Variants in DCLK1 observed in about 807,000 individuals in gnomAD.
DCLK1 encodes serine/threonine-protein kinase DCLK1.
In DCLK1, 16 loss-of-function variants were observed where a neutral mutation model predicts 86.2. That is an observed-to-expected ratio of 0.19 (90% CI 0.13 to 0.28). DCLK1 has a LOEUF of 0.28. DCLK1 is among the 10% of genes least tolerant of loss of function. The probability of loss-of-function intolerance (pLI) is 1.00; values close to 1 mark genes in which losing one functional copy is unlikely to be tolerated. For missense variants in DCLK1, 590 were observed against 940.2 expected, an observed-to-expected ratio of 0.63 and a Z score of 4.87; for synonymous variants, 369 against 370.5, an observed-to-expected ratio of 1.00 and a Z score of 0.05.
At chr13:35,800,835 G>C (rs1374191946) in intron 15 of DCLK1, among the ~76,000 whole-genome samples, 1 of 151,122 alleles carries the variant, frequency 6.6e-6, no homozygotes, top group Non-Finnish European at 1.5e-5. Context: ...TCATTCCTCA[G>C]CCTCCCCAGT....
In DCLK1 at chr13:35,870,429, AAAG is replaced by A. The variant is rs536934373; in HGVS notation, c.940+792_940+794del. Among the ~76,000 whole-genome samples the A allele has an allele frequency of 6.2e-4, 95 of 152,270 alleles. No homozygotes were observed. The South Asian group carries it at 0.019, about 30-fold the overall frequency. On this transcript the variant is annotated intron_variant, in intron 5 of 16. Coordinates refer to ENST00000360631, the MANE Select transcript of DCLK1 (RefSeq NM_001330071.2). ...TCCCCCTAGCCCATGCTGTTGAGTA[AAAG>A]AAGGCCCCCAAGTAGGCCCCAGAGG...
chr13:36,100,225 C>CAA (rs1885169854), intron 3 of DCLK1, among the ~76,000 whole-genome samples: 4 of 116,688 alleles, frequency 3.4e-5, no homozygotes, highest in East Asian at 2.5e-4. Flanking sequence ...CACACACACA[C>CAA]AAAATTAGCC....
Position 35,822,815 on chromosome 13 carries a change from C to T in DCLK1, c.1468G>A (p.Gly490Arg). The part of the protein sequence containing the change: ...TNKYTERDAS[G>R]MLYNLASAIK... Reference sequence around the variant, plus strand: ...GCGCTGGCTAGGTTGTACAGCATCCCACTGGCGTCTCTCTCGGTGTATTTG... The same window carrying T: ...GCGCTGGCTAGGTTGTACAGCATCCTACTGGCGTCTCTCTCGGTGTATTTG... The change falls in exon 11 of 17, where the codon GGG becomes AGG. Residue 490 changes from glycine to arginine, a missense_variant. By Grantham distance (125) the Gly-to-Arg change is moderately radical (BLOSUM62 -2). Coordinates refer to ENST00000360631, the MANE Select transcript of DCLK1 (RefSeq NM_001330071.2). 1 of 1,613,750 alleles carries T rather than the reference C, an allele frequency of 6.2e-7. No homozygotes were observed. The highest frequency in any genetic ancestry group is 8.5e-7 in the Non-Finnish European group (1 of 1,179,956).
At chr13:36,005,419 A>G (rs559846973) in intron 3 of DCLK1, among the ~76,000 whole-genome samples, 2 of 152,384 alleles carry the variant, frequency 1.3e-5, no homozygotes, top group South Asian at 4.1e-4. Flanking sequence ...TGTGATGATC[A>G]CATATAAGGA....
At chr13:35,858,413 T>C (rs1376651366) in intron 5 of DCLK1, among the ~76,000 whole-genome samples, 3 of 152,190 alleles carry the variant, frequency 2.0e-5, no homozygotes, top group African/African-American at 7.2e-5. Flanking sequence ...GTTTTCTGTT[T>C]TAGATGAAGA....
chr13:36,096,776 C>T (rs1279834181), intron 3 of DCLK1, among the ~76,000 whole-genome samples: 1 of 152,146 alleles, frequency 6.6e-6, no homozygotes, highest in African/African-American at 2.4e-5. Flanking sequence ...AAGCAAATGT[C>T]ACCAAATGGG....
intron 5 of DCLK1, among the ~76,000 whole-genome samples, chr13:35,865,403 C>T (rs915708703): frequency 3.9e-5 from 6 of 152,192 alleles, no homozygotes; most frequent in African/African-American, 1.2e-4. Context: ...AGCTAGAAGT[C>T]ATTTTCCAAT....
At chr13:35,900,928 T>C (rs1350811107) in intron 4 of DCLK1, among the ~76,000 whole-genome samples, 2 of 152,118 alleles carry the variant, frequency 1.3e-5, no homozygotes, top group South Asian at 4.1e-4. Context: ...AACTTTATGA[T>C]GAGAACTATT....
At chr13:35,886,007 C>CTTTTTTT (rs10589320) in intron 4 of DCLK1, among the ~76,000 whole-genome samples, 2 of 130,716 alleles carry the variant, frequency 1.5e-5, no homozygotes, top group Admixed American at 7.8e-5. Flanking sequence ...GAATAGGTTC[C>CTTTTTTT]TTTTTTTTTT....
chr13:36,110,696 A>C (rs1885580776), intron 3 of DCLK1, among the ~76,000 whole-genome samples: 1 of 152,046 alleles, frequency 6.6e-6, no homozygotes, highest in African/African-American at 2.4e-5. Flanking sequence ...ATTATCCCTC[A>C]AAAAAAATTT....
At chr13:35,779,107 C>G (rs1010511801) in intron 16 of DCLK1, among the ~76,000 whole-genome samples, 1 of 152,018 alleles carries the variant, frequency 6.6e-6, no homozygotes, top group African/African-American at 2.4e-5. Flanking sequence ...CCGCCACCTC[C>G]CGGGTTCACA....
intron 4 of DCLK1, among the ~76,000 whole-genome samples, chr13:35,872,350 G>C (rs17053039): frequency 0.03 from 4,524 of 152,246 alleles, 226 homozygotes; most frequent in African/African-American, 0.1. Context: ...GTTCATATGT[G>C]TTGATCTGTT....
intron 4 of DCLK1, among the ~76,000 whole-genome samples, chr13:35,879,397 G>A (rs1192457159): frequency 6.6e-6 from 1 of 152,104 alleles, no homozygotes; most frequent in East Asian, 1.9e-4. Context: ...TATGGCACTG[G>A]GATTTTCTGT....
intron 3 of DCLK1, among the ~76,000 whole-genome samples, chr13:35,956,171 A>C (rs970065981): frequency 1.3e-5 from 2 of 152,176 alleles, no homozygotes; most frequent in African/African-American, 4.8e-5. Flanking sequence ...GAGAGGATAC[A>C]AATAAACTCT....
intron 11 of DCLK1, among the ~76,000 whole-genome samples, chr13:35,816,128 T>A (rs1480029010): frequency 6.6e-6 from 1 of 152,154 alleles, no homozygotes; most frequent in Non-Finnish European, 1.5e-5. Flanking sequence ...GAATTATACA[T>A]CCCAGGATTT....
At chr13:36,066,631 T>C (rs1566666821) in intron 3 of DCLK1, among the ~76,000 whole-genome samples, 1 of 151,800 alleles carries the variant, frequency 6.6e-6, no homozygotes, top group Non-Finnish European at 1.5e-5. Context: ...ACCTACAAAA[T>C]GGGAGGAAAT....
At chr13:36,033,663 C>T (rs1388176652) in intron 3 of DCLK1, among the ~76,000 whole-genome samples, 3 of 152,190 alleles carry the variant, frequency 2.0e-5, no homozygotes, top group East Asian at 1.9e-4. Context: ...CGGTAGCTCA[C>T]GCCTGTAATC....
rs2153106218 is a variant in DCLK1 at position 35,828,300 on chromosome 13, C to T, written c.1237G>A (p.Ala413Thr). 8 of 1,607,110 alleles carry T rather than the reference C, an allele frequency of 5.0e-6. 1 individual carries two copies. In the South Asian group the frequency reaches 8.9e-5, roughly 18 times the overall value. The change falls in exon 9 of 17, where the codon GCT (alanine) becomes ACT (threonine). Residue 413 changes from alanine (A) to threonine (T), a missense_variant. Ala to Thr is a moderately conservative substitution (Grantham distance 58). Coordinates refer to ENST00000360631, the MANE Select transcript of DCLK1 (RefSeq NM_001330071.2). ...VVKECVERST[A>T]REYALKIIKK... ...ATAATTTTCAGAGCATACTCTCTAG[C>T]AGTCGATCTGCGAAGAGAAAGTTCA...
intron 4 of DCLK1, among the ~76,000 whole-genome samples, chr13:35,940,577 C>T (rs192183557): frequency 6.6e-6 from 1 of 152,254 alleles, no homozygotes; most frequent in East Asian, 1.9e-4. Flanking sequence ...GCCATCAGGT[C>T]TCTTTAACCC....
Sources: allele counts gnomAD v4.1 joint callset (sites outside exome capture counted in the v4.1 genomes callset), GRCh38; gene constraint gnomAD v4.1.1; transcripts MANE v1.5; gene names NCBI Gene and HGNC (gene_info 2026-07-23, HGNC 2026-07-21).